SRFBP1: variants seen among roughly 807,000 people sequenced by gnomAD.
SRFBP1 encodes serum response factor binding protein 1, also known as serum response factor-binding protein 1.
Under a neutral mutation model 45.5 loss-of-function variants are expected in SRFBP1, and 47 were observed. The ratio of observed to expected loss-of-function variants is 1.03; its 90% CI spans 0.82 to 1.32. The LOEUF is 1.32. Among genes scored for constraint, SRFBP1 ranks in the 40% most tolerant of loss-of-function variants. The probability of loss-of-function intolerance (pLI) is 0.00; values close to 1 mark genes in which losing one functional copy is unlikely to be tolerated. For missense variants in SRFBP1, 621 were observed against 484.6 expected, an observed-to-expected ratio of 1.28 and a Z score of -2.64; for synonymous variants, 203 against 166.3, an observed-to-expected ratio of 1.22 and a Z score of -1.70.
intron 2 of SRFBP1, among the ~76,000 whole-genome samples, chr5:122,035,246 G>A (rs1437020049): frequency 2.6e-5 from 4 of 151,962 alleles, no homozygotes; most frequent in Non-Finnish European, 4.4e-5. Context: ...CCTCTTTCAG[G>A]CCTACATCCT....
chr5:121,965,931 T>A (rs781382414), intron 1 of SRFBP1, among the ~76,000 whole-genome samples: 1 of 152,212 alleles, frequency 6.6e-6, no homozygotes, highest in Non-Finnish European at 1.5e-5. Flanking sequence ...TCTAGGCATT[T>A]TATTCTCTTT....
chr5:122,006,600 A>C (rs941738347), intron 4 of SRFBP1, among the ~76,000 whole-genome samples: 2 of 151,634 alleles, frequency 1.3e-5, no homozygotes, highest in African/African-American at 4.8e-5. Context: ...TCTTTTTTCT[A>C]ATTTCTCTCT....
intron 4 of SRFBP1, among the ~76,000 whole-genome samples, chr5:122,007,212 A>C (rs1005000544): frequency 1.3e-5 from 2 of 151,996 alleles, no homozygotes; most frequent in African/African-American, 2.4e-5. Flanking sequence ...ATAGGGCCTG[A>C]AGACTGGATC....
rs559801834 is a variant in SRFBP1 at position 121,989,257 on chromosome 5, G to A, written c.199-5342G>A. Among the ~76,000 whole-genome samples the A allele has an allele frequency of 2.8e-4, 43 of 151,936 alleles. No homozygotes were observed. In the East Asian group the frequency reaches 8.3e-3, roughly 29 times the overall value. On this transcript the variant is annotated intron_variant, in intron 3 of 7. Coordinates refer to ENST00000339397, the MANE Select transcript of SRFBP1 (RefSeq NM_152546.3). The stretch of plus-strand genomic sequence containing the variant: ...TTTTGTATTTCTTTTTAGTAGAGAC[G>A]GGGTTTCACCATGTTGTCCAGGATG...
rs75491907 is a variant in SRFBP1 at position 122,002,918 on chromosome 5, A to G, written c.270+8248A>G. On this transcript the variant is annotated intron_variant, in intron 4 of 7. Coordinates refer to ENST00000339397, the MANE Select transcript of SRFBP1 (RefSeq NM_152546.3). Reference sequence around the variant, plus strand: ...GTAGACTCTCACTCATTTCTCTACAATTAATTGATGTTAGTCATATTAAAT... The same window carrying G: ...GTAGACTCTCACTCATTTCTCTACAGTTAATTGATGTTAGTCATATTAAAT... Among the ~76,000 whole-genome samples, 766 of 152,342 alleles carry G rather than the reference A, an allele frequency of 5.0e-3. 10 individuals carry two copies. Among genetic ancestry groups the G allele is most frequent in the African/African-American group, 0.017 (722 of 41,578 alleles).
chr5:122,037,178 G>T (rs778876467), intron 2 of SRFBP1, among the ~76,000 whole-genome samples: 8 of 152,274 alleles, frequency 5.3e-5, no homozygotes, highest in Non-Finnish European at 8.8e-5. Context: ...GATTATAGGC[G>T]TGAGCCACTG....
At chr5:122,023,947 A>G (rs1258812832) in intron 7 of SRFBP1, among the ~76,000 whole-genome samples, 2 of 152,200 alleles carry the variant, frequency 1.3e-5, no homozygotes, top group Non-Finnish European at 2.9e-5. Context: ...CTCATTCAGC[A>G]TCTACTGCAT....
chr5:122,016,743 C>T (rs1753200935), intron 4 of SRFBP1, among the ~76,000 whole-genome samples: 1 of 152,076 alleles, frequency 6.6e-6, no homozygotes, highest in East Asian at 1.9e-4. Context: ...TCTATCTTTC[C>T]TCTATTGTAT....
At chr5:122,005,547 T>C (rs1752956645) in intron 4 of SRFBP1, among the ~76,000 whole-genome samples, 1 of 152,312 alleles carries the variant, frequency 6.6e-6, no homozygotes, top group African/African-American at 2.4e-5. Flanking sequence ...AAGTCTCTTA[T>C]AGGCAGCATA....
At chr5:121,980,004 A>G (rs1280336043) in intron 3 of SRFBP1, among the ~76,000 whole-genome samples, 12 of 152,214 alleles carry the variant, frequency 7.9e-5, no homozygotes, top group Non-Finnish European at 1.2e-4. Flanking sequence ...TCATTATCCT[A>G]TCTACCAGAG....
At chr5:122,036,665 C>T (rs1313198581) in intron 2 of SRFBP1, among the ~76,000 whole-genome samples, 2 of 152,240 alleles carry the variant, frequency 1.3e-5, no homozygotes, top group Admixed American at 1.3e-4. Context: ...CACCAAGGCT[C>T]AATGTGAGCT....
At chr5:122,001,357 T>C (rs1394031926) in intron 4 of SRFBP1, among the ~76,000 whole-genome samples, 1 of 150,328 alleles carries the variant, frequency 6.7e-6, no homozygotes, top group Non-Finnish European at 1.5e-5. Context: ...TTTAGGGCCA[T>C]GATTTCCAAA....
chr5:122,018,123 G>A (rs1194983769), intron 4 of SRFBP1, among the ~76,000 whole-genome samples: 1 of 152,224 alleles, frequency 6.6e-6, no homozygotes, highest in African/African-American at 2.4e-5. Flanking sequence ...TGGGAGTAGA[G>A]TATTCCAGGT....
At chr5:122,077,431 G>A, downstream of SRFBP1, 3 of 1,614,142 alleles carry the variant, frequency 1.9e-6, no homozygotes, top group Non-Finnish European at 2.5e-6. The surrounding 1 kb of genome is among the most constrained non-coding windows in gnomAD (Gnocchi z 4.9). Flanking sequence ...TATCGTAGTA[G>A]TTGTAATAAG....
downstream of SRFBP1, chr5:122,077,700 C>A: frequency 6.3e-7 from 1 of 1,594,808 alleles, no homozygotes; most frequent in Non-Finnish European, 8.5e-7. This position sits in a 1 kb window ranked among gnomAD's most constrained non-coding sequence, Gnocchi z 4.9. Context: ...GTGCGGTTGT[C>A]GCGGATCAGC....
intron 2 of SRFBP1, chr5:122,064,745 T>A (rs1561414100): frequency 6.6e-6 from 1 of 151,950 alleles, no homozygotes; most frequent in African/African-American, 2.4e-5. Flanking sequence ...GCATACCATG[T>A]GAGTACTTGG....
intron 3 of SRFBP1, among the ~76,000 whole-genome samples, chr5:121,983,319 A>C (rs1580506172): frequency 6.6e-6 from 1 of 151,806 alleles, no homozygotes; most frequent in Non-Finnish European, 1.5e-5. Context: ...TGTTCTATTT[A>C]GAATCTTCAG....
Position 122,020,241 on chromosome 5 carries a change from A to G in SRFBP1, c.506A>G (p.Lys169Arg), listed in dbSNP as rs1198890562. Residue 169 changes from lysine (K) to arginine (R), a missense_variant, in exon 6 of 8, where the codon AAA becomes AGA. By Grantham distance (26) the Lys-to-Arg change is conservative. Coordinates refer to ENST00000339397, the MANE Select transcript of SRFBP1 (RefSeq NM_152546.3). ...QREATVISEQ[K>R]VKETKILAKK... is the part of the protein sequence containing the mutation. ...GAAGCAACTGTCATCAGTGAGCAAA[A>G]AGTCAAAGAAACCAAAATATTGGCG... The G allele has an allele frequency of 9.9e-6, 16 of 1,612,618 alleles. No homozygotes were observed. The Admixed American group carries it at 1.8e-4, about 19-fold the overall frequency.
chr5:122,064,187 A>G (rs1345907304), intron 2 of SRFBP1: 6 of 151,872 alleles, frequency 4.0e-5, no homozygotes, highest in African/African-American at 7.3e-5. Flanking sequence ...GCCAGTTCCT[A>G]TTTTTTAAAA....
Sources: gnomAD v4.1 joint callset for allele counts (sites outside exome capture counted in the v4.1 genomes callset) on GRCh38, gnomAD v4.1.1 for gene constraint, Gnocchi (gnomAD v3.1) non-coding constraint, MANE v1.5 for transcripts, NCBI Gene and HGNC (gene_info 2026-07-23, HGNC 2026-07-21) for gene names.